The following ERBB4 variants were observed in gnomAD, a reference collection of about 807,000 sequenced individuals.
ERBB4 encodes erb-b2 receptor tyrosine kinase 4.
In ERBB4, 42 loss-of-function variants were observed where a neutral mutation model predicts 158.0. That is an observed-to-expected ratio of 0.27 (90% confidence interval 0.21 to 0.34). The LOEUF is 0.34. Ranked by LOEUF, ERBB4 falls within the 10% of genes least tolerant of loss-of-function variation. ERBB4 has a pLI of 1.00. For synonymous variants in ERBB4, 583 were observed against 558.7 expected, an observed-to-expected ratio of 1.04 and a Z score of -0.61; for missense variants, 1,333 against 1,624.1, an observed-to-expected ratio of 0.82 and a Z score of 3.08.
chr2:211,590,891 T>C (rs533569578), intron 19 of ERBB4, among the ~76,000 whole-genome samples: 2 of 152,360 alleles, frequency 1.3e-5, no homozygotes, highest in Non-Finnish European at 2.9e-5. Flanking sequence ...TATCTTGTTA[T>C]GCAACAGGAA....
chr2:212,515,713 A>G (rs1489560169), intron 1 of ERBB4, among the ~76,000 whole-genome samples: 2 of 152,012 alleles, frequency 1.3e-5, no homozygotes, highest in Admixed American at 6.5e-5. Flanking sequence ...AAAACAAAAA[A>G]AATTTTGAAA....
rs556940583 is a variant in ERBB4 at position 211,992,162 on chromosome 2, T to C, written c.235-44546A>G. Among the ~76,000 whole-genome samples, 12 of 152,252 alleles carry C rather than the reference T, an allele frequency of 7.9e-5. No individual in the cohort carries two copies. The East Asian group carries it at 2.1e-3, about 27-fold the overall frequency. On this transcript the variant is annotated intron_variant, in intron 2 of 27. Coordinates refer to ENST00000342788, the MANE Select transcript of ERBB4 (RefSeq NM_005235.3). ...GTACCGATTCACTGTATCCAGTTTA[T>C]AAACCAACTAATGTCTTTTCATCAA...
At chr2:211,716,472 C>G (rs1276149214) in intron 7 of ERBB4, among the ~76,000 whole-genome samples, 2 of 149,890 alleles carry the variant, frequency 1.3e-5, no homozygotes, top group Non-Finnish European at 2.9e-5. Context: ...GTCAGGAGAT[C>G]GAGACCATCC....
chr2:211,890,614 T>C (rs1203347776), intron 3 of ERBB4, among the ~76,000 whole-genome samples: 6 of 141,706 alleles, frequency 4.2e-5, no homozygotes, highest in Non-Finnish European at 7.7e-5. Flanking sequence ...GACTGGCAAA[T>C]TGGATAAAGA....
At chr2:211,743,362 GA>G (rs2074855669) in intron 5 of ERBB4, among the ~76,000 whole-genome samples, 1 of 152,200 alleles carries the variant, frequency 6.6e-6, no homozygotes, top group Non-Finnish European at 1.5e-5. Context: ...TGCAGTGACT[GA>G]GATAACACCA....
chr2:211,624,298 T>C (rs1012633728), intron 17 of ERBB4, among the ~76,000 whole-genome samples: 1 of 152,052 alleles, frequency 6.6e-6, no homozygotes, highest in African/African-American at 2.4e-5. Context: ...AATGTGCACC[T>C]ACCTTGAGGC....
chr2:212,023,080 C>G, intron 2 of ERBB4, among the ~76,000 whole-genome samples: 1 of 152,060 alleles, frequency 6.6e-6, no homozygotes, highest in East Asian at 1.9e-4. Flanking sequence ...AGATCTCTGT[C>G]ATGGAATATC....
intron 2 of ERBB4, among the ~76,000 whole-genome samples, chr2:211,962,636 T>G (rs1332566284): frequency 6.6e-5 from 10 of 152,110 alleles, no homozygotes; most frequent in Admixed American, 3.3e-4. Context: ...GGTGAGAAGC[T>G]GGTGGAGAGA....
At chr2:212,211,854 C>G (rs2082946540) in intron 1 of ERBB4, among the ~76,000 whole-genome samples, 1 of 151,916 alleles carries the variant, frequency 6.6e-6, no homozygotes, top group South Asian at 2.1e-4. Context: ...CTGATGATGG[C>G]TTATAGCTTC....
intron 1 of ERBB4, among the ~76,000 whole-genome samples, chr2:212,486,328 T>C (rs1194192204): frequency 7.1e-6 from 1 of 140,628 alleles, no homozygotes; most frequent in African/African-American, 2.8e-5. Flanking sequence ...TAATGCAAGA[T>C]TTTTATTAGA....
At chr2:211,586,523 C>A (rs113068384) in intron 19 of ERBB4, among the ~76,000 whole-genome samples, 1 of 152,010 alleles carries the variant, frequency 6.6e-6, no homozygotes, top group Non-Finnish European at 1.5e-5. Flanking sequence ...AGTGGGAAAC[C>A]CTTTTCTTTT....
intron 4 of ERBB4, among the ~76,000 whole-genome samples, chr2:211,760,380 A>G (rs960781534): frequency 6.6e-6 from 1 of 152,234 alleles, no homozygotes; most frequent in African/African-American, 2.4e-5. Flanking sequence ...TTTGAAATAC[A>G]CTTATCATAC....
chr2:211,730,600 A>G lies in ERBB4; in HGVS notation c.623-5406T>C, dbSNP rs146931270. ...ACTTGAATACTGGAATTCTTCTGTA[A>G]GTAAAACTTTTCATTCAGTTGGTAT... On this transcript the variant is annotated intron_variant, in intron 5 of 27. Transcript: ENST00000342788. 3.7e-3 allele frequency among the ~76,000 whole-genome samples: 566 copies of G among 152,142 alleles called. 4 individuals are homozygous for G. The highest frequency in any genetic ancestry group is 0.013 in the African/African-American group (546 of 41,544).
At chr2:212,039,168 T>G (rs899516608) in intron 2 of ERBB4, among the ~76,000 whole-genome samples, 5 of 152,174 alleles carry the variant, frequency 3.3e-5, no homozygotes, top group Non-Finnish European at 7.4e-5. Context: ...AAGTAATTTC[T>G]GCTTTCATGA....
In ERBB4 at chr2:211,422,488, CAAAA is replaced by C. The variant is rs57602784; in HGVS notation, c.2867-388_2867-385del. ...CTTGTGCTACATTTGTCCTGGTGGA[CAAAA>C]AAAAAAAAAAAAAAACTAATGCAAA... On this transcript the variant is annotated intron_variant, in intron 23 of 27. Transcript: ENST00000342788. Among the ~76,000 whole-genome samples, 520 of 102,402 alleles carry C rather than the reference CAAAA, an allele frequency of 5.1e-3. 1 individual carries two copies. The highest frequency in any genetic ancestry group is 0.016 in the African/African-American group (480 of 29,328). The allele number at this position is 102,402 out of a possible 152,430, so 67.2% of individuals were successfully genotyped here. A position where few individuals can be genotyped will look rare whatever the true frequency, so the allele number is the denominator to read the frequency against.
At chr2:212,115,781 T>C (rs1273223135) in intron 2 of ERBB4, among the ~76,000 whole-genome samples, 1 of 152,184 alleles carries the variant, frequency 6.6e-6, no homozygotes, top group Non-Finnish European at 1.5e-5. Flanking sequence ...AGTGTTGTGA[T>C]TGCAGGTGTG....
At chr2:212,273,257 T>A (rs937754317) in intron 1 of ERBB4, among the ~76,000 whole-genome samples, 6 of 151,942 alleles carry the variant, frequency 3.9e-5, no homozygotes, top group African/African-American at 1.4e-4. Context: ...GTATTCAAAC[T>A]GTGTTTTTTA....
intron 2 of ERBB4, among the ~76,000 whole-genome samples, chr2:211,999,418 C>T (rs1463731363): frequency 6.6e-6 from 1 of 151,776 alleles, no homozygotes; most frequent in African/African-American, 2.4e-5. Flanking sequence ...ATACAGAATT[C>T]CCTCATTTTT....
At chr2:212,188,250 C>CT in intron 1 of ERBB4, among the ~76,000 whole-genome samples, 1 of 91,798 alleles carries the variant, frequency 1.1e-5, no homozygotes, top group East Asian at 5.4e-4. Context: ...CCCTCTCACC[C>CT]CCTCCCTCCC....
Sources: allele counts gnomAD v4.1 joint callset (sites outside exome capture counted in the v4.1 genomes callset), GRCh38; gene constraint gnomAD v4.1.1; transcripts MANE v1.5; gene names NCBI Gene and HGNC (gene_info 2026-07-23, HGNC 2026-07-21).